PARD3: variants seen among roughly 807,000 people sequenced by gnomAD.
The protein encoded by PARD3 is partitioning defective 3 homolog.
In PARD3, 75 loss-of-function variants were observed where a neutral mutation model predicts 155.4. The ratio of observed to expected loss-of-function variants is 0.48; its 90% confidence interval spans 0.40 to 0.58. PARD3 has a LOEUF of 0.58. Among genes scored for constraint, PARD3 ranks in the 20% least tolerant of loss-of-function variants. The probability of loss-of-function intolerance (pLI) is 0.00; values close to 1 mark genes in which losing one functional copy is unlikely to be tolerated. For missense variants in PARD3, 1,642 were observed against 1,721.7 expected (o/e 0.95, Z 0.82); for synonymous variants, 576 against 610.5 (o/e 0.94, Z 0.83).
rs184485875 is a variant in PARD3 at position 34,270,423 on chromosome 10, G to A, written c.3177-524C>T. On this transcript the variant is annotated intron_variant, in intron 21 of 24. Coordinates refer to ENST00000374788, the MANE Select transcript of PARD3 (RefSeq NM_001184785.2). Reference sequence around the variant, plus strand: ...CTCCCAAAGTGCTGGGATTACAAGTGTGAGCCACCGTGCCTGGCCATAATT... The same window carrying A: ...CTCCCAAAGTGCTGGGATTACAAGTATGAGCCACCGTGCCTGGCCATAATT... Among the ~76,000 whole-genome samples the A allele has an allele frequency of 1.6e-4, 25 of 152,230 alleles. 1 individual carries two copies. The East Asian group carries it at 4.8e-3, about 29-fold the overall frequency.
chr10:34,688,948 T>C (rs1367912099), intron 2 of PARD3, among the ~76,000 whole-genome samples: 2 of 152,172 alleles, frequency 1.3e-5, no homozygotes, highest in African/African-American at 4.8e-5. Flanking sequence ...GGCAGAGCCA[T>C]TAAAGCTGTG....
chr10:34,634,991 C>A (rs2092415851), intron 2 of PARD3, among the ~76,000 whole-genome samples: 1 of 152,222 alleles, frequency 6.6e-6, no homozygotes, highest in Non-Finnish European at 1.5e-5. Context: ...AGAATGGCGG[C>A]CTACACTGGG....
chr10:34,172,650 C>T (rs1416555923), intron 22 of PARD3, among the ~76,000 whole-genome samples: 1 of 151,508 alleles, frequency 6.6e-6, no homozygotes, highest in Non-Finnish European at 1.5e-5. Context: ...TGCTGTATGT[C>T]ACAACTCACT....
intron 3 of PARD3, among the ~76,000 whole-genome samples, chr10:34,471,124 T>C (rs759555175): frequency 6.6e-6 from 1 of 152,230 alleles, no homozygotes; most frequent in Non-Finnish European, 1.5e-5. Flanking sequence ...CCCAAATATA[T>C]TATTTATACT....
At chr10:34,449,387 C>A (rs577976585) in intron 5 of PARD3, among the ~76,000 whole-genome samples, 9 of 143,986 alleles carry the variant, frequency 6.3e-5, no homozygotes, top group South Asian at 4.4e-4. Flanking sequence ...TACAAAAAAC[C>A]CATTGTGAGT....
intron 14 of PARD3, among the ~76,000 whole-genome samples, chr10:34,349,878 G>A (rs1837854791): frequency 6.6e-6 from 1 of 151,976 alleles, no homozygotes; most frequent in African/African-American, 2.4e-5. Context: ...TATCCCAAAA[G>A]GCTATTTTAA....
At chr10:34,689,788 T>C (rs1348787365) in intron 2 of PARD3, among the ~76,000 whole-genome samples, 1 of 152,204 alleles carries the variant, frequency 6.6e-6, no homozygotes, top group Middle Eastern at 3.2e-3. Context: ...AGATCAAGCA[T>C]AGTTTGCCTT....
rs75826738 is a variant in PARD3, at chr10:34,620,585, A to G, written c.222+75733T>C. The stretch of plus-strand genomic sequence containing the variant: ...AAACAGTAACTGGAAATTGGGATGG[A>G]GCATTACATCAACCTTGAAATCCAA... On this transcript the variant is annotated intron_variant, in intron 2 of 24. Transcript: ENST00000374788. Among the ~76,000 whole-genome samples the G allele has an allele frequency of 8.1e-3, 1,241 of 152,350 alleles. 16 individuals are homozygous for G. The highest frequency in any genetic ancestry group is 0.028 in the African/African-American group (1,179 of 41,578).
At chr10:34,578,050 C>CTTTTTT (rs11404097) in intron 2 of PARD3, among the ~76,000 whole-genome samples, 1 of 146,290 alleles carries the variant, frequency 6.8e-6, no homozygotes, top group Non-Finnish European at 1.5e-5. Context: ...TTCTGTTGCT[C>CTTTTTT]TTTTTTTTTT....
chr10:34,224,171 A>T (rs1952464749), intron 22 of PARD3, among the ~76,000 whole-genome samples: 1 of 152,338 alleles, frequency 6.6e-6, no homozygotes, highest in South Asian at 2.1e-4. Context: ...TCAAAACAAC[A>T]AACTTTAAGA....
At chr10:34,458,276 C>T (rs1318384348) in intron 4 of PARD3, among the ~76,000 whole-genome samples, 1 of 152,130 alleles carries the variant, frequency 6.6e-6, no homozygotes, top group Non-Finnish European at 1.5e-5. Context: ...AATCATAGCT[C>T]ACTGAAGCCT....
intron 3 of PARD3, chr10:34,489,020 G>C (rs1430542478): frequency 6.6e-6 from 1 of 152,396 alleles, no homozygotes; most frequent in African/African-American, 2.4e-5. Flanking sequence ...TTCTAAGGAG[G>C]TTTACAAAGT....
intron 7 of PARD3, among the ~76,000 whole-genome samples, chr10:34,386,885 G>A (rs1842407711): frequency 6.6e-6 from 1 of 150,890 alleles, no homozygotes; most frequent in Non-Finnish European, 1.5e-5. Context: ...ATTAATACAA[G>A]AAATTAAATT....
At chr10:34,618,464 A>G (rs1214923499) in intron 2 of PARD3, among the ~76,000 whole-genome samples, 1 of 152,184 alleles carries the variant, frequency 6.6e-6, no homozygotes, top group African/African-American at 2.4e-5. Context: ...CGCTTCCACA[A>G]CAGTGGCAAA....
chr10:34,635,467 T>G (rs1407886867), intron 2 of PARD3, among the ~76,000 whole-genome samples: 4 of 152,130 alleles, frequency 2.6e-5, no homozygotes. Context: ...ACCACAGGGG[T>G]ACGACAATGA....
chr10:34,290,160 T>C (rs1956606910), intron 20 of PARD3, among the ~76,000 whole-genome samples: 1 of 152,194 alleles, frequency 6.6e-6, no homozygotes, highest in South Asian at 2.1e-4. Context: ...TAATAATGCA[T>C]AGCATCCTGC....
intron 2 of PARD3, among the ~76,000 whole-genome samples, chr10:34,673,234 C>G (rs1208007568): frequency 2.0e-5 from 3 of 152,146 alleles, no homozygotes; most frequent in Non-Finnish European, 4.4e-5. Flanking sequence ...AGGAATCTCT[C>G]TATCTAGGGA....
chr10:34,745,278 C>A (rs1835155921), intron 1 of PARD3, among the ~76,000 whole-genome samples: 2 of 152,180 alleles, frequency 1.3e-5, no homozygotes, highest in South Asian at 4.1e-4. Flanking sequence ...AGGAGAATCT[C>A]TAGAGCCCAA....
At chr10:34,210,561 A>G (rs978951685) in intron 22 of PARD3, among the ~76,000 whole-genome samples, 5 of 152,198 alleles carry the variant, frequency 3.3e-5, no homozygotes, top group Non-Finnish European at 7.3e-5. Flanking sequence ...CCGGCGGTAC[A>G]AAGTGGAAAT....
Sources: allele counts gnomAD v4.1 joint callset (sites outside exome capture counted in the v4.1 genomes callset), GRCh38; gene constraint gnomAD v4.1.1; transcripts MANE v1.5; gene names NCBI Gene and HGNC (gene_info 2026-07-23, HGNC 2026-07-21).